Variants in DNMT1 observed in about 807,000 individuals in gnomAD.
DNMT1 encodes DNA (cytosine-5)-methyltransferase 1.
In DNMT1, 24 loss-of-function variants were observed where a neutral mutation model predicts 205.3. The observed-to-expected ratio is 0.12, with a 90% confidence interval of 0.08 to 0.16. DNMT1 has a LOEUF of 0.16. Among genes scored for constraint, DNMT1 ranks in the 10% least tolerant of loss-of-function variants. DNMT1 has a pLI of 1.00. For missense variants in DNMT1, 1,293 were observed against 2,177.7 expected (o/e 0.59, Z 8.09); for synonymous variants, 817 against 839.8 (o/e 0.97, Z 0.47).
chr19:10,138,890 G>T lies in DNMT1; in HGVS notation c.3949-285C>A, dbSNP rs915391108. Among the ~76,000 whole-genome samples the T allele has an allele frequency of 6.6e-6, 1 of 152,220 alleles. No individual in the cohort carries two copies. The highest frequency in any genetic ancestry group is 2.4e-5 in the African/African-American group (1 of 41,462). On this transcript the variant is annotated intron_variant, in intron 34 of 40. Transcript: ENST00000359526. The surrounding 1 kb of genome is among the most constrained non-coding windows in gnomAD (Gnocchi z 4.1). ...CTGAAAGCACTGCAAGGGCCCCAAG[G>T]TCTTAGCACTCGGGGAGAACACTGG...
chr19:10,177,314 T>C lies in DNMT1; in HGVS notation c.547A>G (p.Ile183Val). Residue 183 changes from isoleucine (I) to valine (V), a missense_variant, in exon 6 of 41, where the codon ATC (isoleucine) becomes GTC (valine). Transcript: ENST00000359526. Reference sequence around the variant, plus strand: ...GACCCCTTTGCAAAATGAGATGTGATGGTGGTTTGCCTGGTGCTTTTCCTT... The same window carrying C: ...GACCCCTTTGCAAAATGAGATGTGACGGTGGTTTGCCTGGTGCTTTTCCTT... ...ITRKSTRQTTITSHFAKGPAK... is the reference protein window; with the variant it reads ...ITRKSTRQTTVTSHFAKGPAK... The C allele has an allele frequency of 6.2e-7, 1 of 1,613,514 alleles. No individual in the cohort carries two copies.
chr19:10,182,489 GTATATATATGTGTGTATATA>G (rs1568256413), intron 1 of DNMT1, among the ~76,000 whole-genome samples: 1 of 130,192 alleles, frequency 7.7e-6, no homozygotes, highest in African/African-American at 3.0e-5. Context: ...ATATATATGT[GTATATATATGTGTGTATATA>G]TATACATATA....
Position 10,156,184 on chromosome 19 carries a change from AGTATATATGTATACTATATATATAT to A in DNMT1, c.1399+182_1399+206del, listed in dbSNP as rs1226396999. 6.6e-5 allele frequency among the ~76,000 whole-genome samples: 10 copies of A among 150,596 alleles called. No individual in the cohort carries two copies. The highest frequency in any genetic ancestry group is 2.4e-4 in the African/African-American group (10 of 41,114). ...TGTTTTTTATTTATACATATATATAAGTATATATGTATACTATATATATATGCTATATATTTTTTTTTAATAGAGG... is the reference window on the plus strand; with the variant it reads ...TGTTTTTTATTTATACATATATATAAGCTATATATTTTTTTTTAATAGAGG... On this transcript the variant is annotated intron_variant, in intron 18 of 40. Coordinates refer to ENST00000359526, the MANE Select transcript of DNMT1 (RefSeq NM_001130823.3). This position sits in a 1 kb window ranked among gnomAD's most constrained non-coding sequence, Gnocchi z 4.2.
chr19:10,158,335 G>A (rs1438044019), intron 17 of DNMT1, among the ~76,000 whole-genome samples: 1 of 152,210 alleles, frequency 6.6e-6, no homozygotes, highest in Non-Finnish European at 1.5e-5. Context: ...GATCTAGATA[G>A]AAGGATCCCA....
At chr19:10,177,409 C>T (rs1429032321) in intron 5 of DNMT1, 42 bp from the exon 6 acceptor site, 2 of 1,576,992 alleles carry the variant, frequency 1.3e-6, no homozygotes, top group East Asian at 2.2e-5. Context: ...AAAAAAAAGC[C>T]ACTATCAATA....
chr19:10,155,949 G>A lies in DNMT1; in HGVS notation c.1400-4C>T, dbSNP rs1428803773. On this transcript the variant is annotated splice_region_variant and splice_polypyrimidine_tract_variant and intron_variant, in intron 18 of 40. Coordinates refer to ENST00000359526, the MANE Select transcript of DNMT1 (RefSeq NM_001130823.3). ...AGATTTTTGCCATTAACACCACCTA[G>A]AGCAGAAAAAGGAAATGGACTAAAG... 1.9e-6 allele frequency: 3 copies of A among 1,612,340 alleles called. No individual in the cohort carries two copies. Among genetic ancestry groups the A allele is most frequent in the Non-Finnish European group, 2.5e-6 (3 of 1,179,256 alleles).
intron 13 of DNMT1, among the ~76,000 whole-genome samples, chr19:10,162,433 A>G (rs1237385394): frequency 6.7e-6 from 1 of 150,302 alleles, no homozygotes; most frequent in African/African-American, 2.5e-5. Flanking sequence ...CCATGCCCAG[A>G]TAATTTTTGT....
intron 26 of DNMT1, 111 bp from the exon 27 acceptor site, chr19:10,149,128 A>G (rs2038274280): frequency 6.9e-7 from 1 of 1,442,258 alleles, no homozygotes; most frequent in Non-Finnish European, 9.5e-7. Context: ...GTTCGAGACC[A>G]GCCTGGCCAA....
chr19:10,171,870 G>A (rs2038825655), intron 9 of DNMT1, among the ~76,000 whole-genome samples: 1 of 151,768 alleles, frequency 6.6e-6, no homozygotes, highest in Admixed American at 6.6e-5. Context: ...AGCCAGGTGT[G>A]GTGGCAGGCG....
chr19:10,137,691 G>T lies in DNMT1; in HGVS notation c.4293+141C>A. On this transcript the variant is annotated intron_variant, in intron 36 of 40. Transcript: ENST00000359526. The surrounding 1 kb of genome is among the most constrained non-coding windows in gnomAD (Gnocchi z 6.4). ...CATGACCATGCAAGAGAGACCAGGG[G>T]TCACACAAAGGCTGAGGACTCGGGA... 8.5e-7 allele frequency: 1 copy of T among 1,174,748 alleles called. No homozygotes were observed. The highest frequency in any genetic ancestry group is 1.2e-6 in the Non-Finnish European group (1 of 816,088). The allele number at this position is 1,174,748 out of a possible 1,614,324, so 72.8% of individuals were successfully genotyped here.
rs1264635083 is a variant in DNMT1, at chr19:10,156,609, T to A, written c.1281-100A>T. ...ACGAGGCAATGAGAGAATGTACAAG[T>A]CTGACACTCTTTTTTTGTTTGTTTT... is the stretch of plus-strand genomic sequence containing the variant. On this transcript the variant is annotated intron_variant, in intron 17 of 40. Transcript: ENST00000359526. This position sits in a 1 kb window ranked among gnomAD's most constrained non-coding sequence, Gnocchi z 4.2. 8.2e-6 allele frequency: 7 copies of A among 849,808 alleles called. No homozygotes were observed. The highest frequency in any genetic ancestry group is 1.4e-5 in the Non-Finnish European group (7 of 497,080). The allele number at this position is 849,808 out of a possible 1,614,324, so 52.6% of individuals were successfully genotyped here.
At chr19:10,183,081 G>GTATA (rs142246610) in intron 1 of DNMT1, among the ~76,000 whole-genome samples, 38 of 139,908 alleles carry the variant, frequency 2.7e-4, no homozygotes, top group African/African-American at 1.1e-3. Context: ...ATATGTGTGT[G>GTATA]TATATATATA....
In DNMT1 at chr19:10,182,054, C is replaced by T. The variant is rs751109006; in HGVS notation, c.104G>A (p.Ser35Asn). Reference protein sequence around the residue: ...RRRLKDLERDSLTEKECVKEK... With the variant: ...RRRLKDLERDNLTEKECVKEK... ...GGTGGAGATTACCTTTTCTGTTAAG[C>T]TGTCTCTTTCCAAATCTTTGAGCCT... The change falls in exon 2 of 41, where the codon AGC becomes AAC. Residue 35 changes from serine (S) to asparagine (N), a missense_variant. By Grantham distance (46) the Ser-to-Asn change is conservative. Coordinates refer to ENST00000359526, the MANE Select transcript of DNMT1 (RefSeq NM_001130823.3). The T allele has an allele frequency of 4.3e-6, 7 of 1,612,270 alleles. No homozygotes were observed. In the South Asian group the frequency reaches 7.7e-5, roughly 18 times the overall value.
chr19:10,137,690 G>A lies in DNMT1; in HGVS notation c.4293+142C>T. 1.1e-5 allele frequency: 13 copies of A among 1,157,692 alleles called. No homozygotes were observed. The highest frequency in any genetic ancestry group is 1.6e-5 in the Non-Finnish European group (13 of 800,620). The allele number at this position is 1,157,692 out of a possible 1,614,324, so 71.7% of individuals were successfully genotyped here. The stretch of plus-strand genomic sequence containing the variant: ...CCATGACCATGCAAGAGAGACCAGG[G>A]GTCACACAAAGGCTGAGGACTCGGG... On this transcript the variant is annotated intron_variant, in intron 36 of 40. Coordinates refer to ENST00000359526, the MANE Select transcript of DNMT1 (RefSeq NM_001130823.3). The surrounding 1 kb of genome is among the most constrained non-coding windows in gnomAD (Gnocchi z 6.4).
Position 10,164,913 on chromosome 19 carries a change from TAAAAAAAAAAAAAAAAAAAA to T in DNMT1, c.892-1573_892-1554del, listed in dbSNP as rs535161745. On this transcript the variant is annotated intron_variant, in intron 11 of 40. Coordinates refer to ENST00000359526, the MANE Select transcript of DNMT1 (RefSeq NM_001130823.3). ...ATTGCATGACAGAGAGAGACTATCT[TAAAAAAAAAAAAAAAAAAAA>T]AAAAAAAAAAAAAAAAAAAAAAAAG... Among the ~76,000 whole-genome samples, 112 of 34,034 alleles carry T rather than the reference TAAAAAAAAAAAAAAAAAAAA, an allele frequency of 3.3e-3. 1 individual carries two copies. Among genetic ancestry groups the T allele is most frequent in the East Asian group, 0.014 (12 of 870 alleles). The allele number at this position is 34,034 out of a possible 152,430, so 22.3% of individuals were successfully genotyped here.
rs967731535 is a variant in DNMT1 at position 10,194,934 on chromosome 19, C to T, written c.-35G>A. The stretch of plus-strand genomic sequence containing the variant: ...TTCAGCAGACGCGGCGGCGGCAGCG[C>T]AGGCGCCCCGGCTTTTCGCGCGGAA... On this transcript the variant is annotated 5_prime_UTR_variant, in exon 1 of 41. Coordinates refer to ENST00000359526, the MANE Select transcript of DNMT1 (RefSeq NM_001130823.3). 3.8e-6 allele frequency: 6 copies of T among 1,586,916 alleles called. 1 individual carries two copies. In the Middle Eastern group the frequency reaches 5.1e-4, roughly 134 times the overall value.
chr19:10,137,506 G>C lies in DNMT1; in HGVS notation c.4294-226C>G, dbSNP rs917884924. ...GGAATCTAAGCTGAGCCTTTAGGGT[G>C]GGGGAAGGGGAGTGGTGCCAGGGGA... On this transcript the variant is annotated intron_variant, in intron 36 of 40. Transcript: ENST00000359526. The surrounding 1 kb of genome is among the most constrained non-coding windows in gnomAD (Gnocchi z 6.4). 3.1e-6 allele frequency: 2 copies of C among 647,192 alleles called. No individual in the cohort carries two copies. The highest frequency in any genetic ancestry group is 5.3e-6 in the Non-Finnish European group (2 of 376,566). The allele number at this position is 647,192 out of a possible 1,614,324, so 40.1% of individuals were successfully genotyped here. A position where few individuals can be genotyped will look rare whatever the true frequency, so the allele number is the denominator to read the frequency against.
At chr19:10,191,552 C>G (rs2039305256) in intron 1 of DNMT1, among the ~76,000 whole-genome samples, 2 of 152,064 alleles carry the variant, frequency 1.3e-5, no homozygotes, top group African/African-American at 4.8e-5. Flanking sequence ...TTCAGCCAAA[C>G]AAAATATTTG....
At chr19:10,185,197 G>A (rs879613205) in intron 1 of DNMT1, among the ~76,000 whole-genome samples, 1 of 152,044 alleles carries the variant, frequency 6.6e-6, no homozygotes, top group Non-Finnish European at 1.5e-5. Context: ...AGGCTGAGGT[G>A]GGCGGATCAT....
Sources: gnomAD v4.1 joint callset for allele counts (sites outside exome capture counted in the v4.1 genomes callset) on GRCh38, gnomAD v4.1.1 for gene constraint, Gnocchi (gnomAD v3.1) non-coding constraint, MANE v1.5 for transcripts, NCBI Gene and HGNC (gene_info 2026-07-23, HGNC 2026-07-21) for gene names.